Variants in NR5A2 observed in about 807,000 individuals in gnomAD.
The protein encoded by NR5A2 is CYP7A promoter-binding factor.
A neutral mutation model predicts 62.7 loss-of-function variants in NR5A2; 26 were observed. That is an observed-to-expected ratio of 0.41 (90% CI 0.30 to 0.58). The LOEUF (loss-of-function observed/expected upper bound fraction) is 0.58. Among genes scored for constraint, NR5A2 ranks in the 20% least tolerant of loss-of-function variants. The pLI, the probability that NR5A2 is intolerant of heterozygous loss-of-function variation, is 0.22. For synonymous variants in NR5A2, 246 were observed against 241.7 expected (o/e 1.02, Z -0.16); for missense variants, 541 against 669.1 (o/e 0.81, Z 2.11).
At chr1:200,145,838 TAATG>T (rs1378366096) in intron 7 of NR5A2, among the ~76,000 whole-genome samples, 2 of 152,054 alleles carry the variant, frequency 1.3e-5, no homozygotes, top group Non-Finnish European at 2.9e-5. Context: ...ATGTCCCTAA[TAATG>T]AAAGTAACTG....
At chr1:200,067,240 C>A (rs1663524937) in intron 5 of NR5A2, among the ~76,000 whole-genome samples, 1 of 151,988 alleles carries the variant, frequency 6.6e-6, no homozygotes, top group African/African-American at 2.4e-5. Flanking sequence ...AACAGAAAAC[C>A]AAATACCTCA....
At chr1:200,122,011 G>T (rs1035207594) in intron 7 of NR5A2, among the ~76,000 whole-genome samples, 1 of 152,162 alleles carries the variant, frequency 6.6e-6, no homozygotes, top group Non-Finnish European at 1.5e-5. Context: ...AATTTTTCAT[G>T]TATAGTCAAC....
At chr1:200,086,174 T>C (rs56198864) in intron 5 of NR5A2, among the ~76,000 whole-genome samples, 9,384 of 152,278 alleles carry the variant, frequency 0.062, 378 homozygotes, top group Middle Eastern at 0.1. Flanking sequence ...TCCAGTATGA[T>C]TCACTTACTG....
chr1:200,145,255 A>G (rs1193668135), intron 7 of NR5A2, among the ~76,000 whole-genome samples: 3 of 152,202 alleles, frequency 2.0e-5, no homozygotes, highest in Non-Finnish European at 4.4e-5. Flanking sequence ...GGTTGCAGTG[A>G]GCTGAGACTG....
At chr1:200,132,987 T>G (rs1007930244) in intron 7 of NR5A2, among the ~76,000 whole-genome samples, 3 of 152,314 alleles carry the variant, frequency 2.0e-5, no homozygotes, top group Non-Finnish European at 4.4e-5. Flanking sequence ...TTTAAGCTAA[T>G]GGAGGTTAAG....
intron 7 of NR5A2, among the ~76,000 whole-genome samples, chr1:200,127,165 C>T (rs1666739843): frequency 6.6e-6 from 1 of 152,080 alleles, no homozygotes; most frequent in Non-Finnish European, 1.5e-5. Context: ...AACTAATAAC[C>T]CCAAATGACA....
chr1:200,113,887 AAAAAG>A (rs1397129725), intron 6 of NR5A2, among the ~76,000 whole-genome samples: 1 of 152,154 alleles, frequency 6.6e-6, no homozygotes, highest in East Asian at 1.9e-4. Context: ...AGGATTTATA[AAAAAG>A]AAAAGAGGCC....
At chr1:200,113,230 A>T (rs1396143190) in intron 6 of NR5A2, among the ~76,000 whole-genome samples, 4 of 147,948 alleles carry the variant, frequency 2.7e-5, no homozygotes, top group African/African-American at 7.5e-5. Context: ...TCCCCTCCCC[A>T]CTCTTTAAAT....
chr1:200,157,623 T>C (rs1653450075), intron 7 of NR5A2, among the ~76,000 whole-genome samples: 1 of 152,228 alleles, frequency 6.6e-6, no homozygotes, highest in African/African-American at 2.4e-5. Context: ...ATTGGAAATA[T>C]GGATTTTCTG....
chr1:200,053,032 G>T (rs1316926546), intron 5 of NR5A2, among the ~76,000 whole-genome samples: 1 of 152,198 alleles, frequency 6.6e-6, no homozygotes, highest in Non-Finnish European at 1.5e-5. Context: ...GGGAACAGAA[G>T]GGCCAGGAAA....
chr1:200,160,952 A>T (rs1166817404), intron 7 of NR5A2, among the ~76,000 whole-genome samples: 1 of 151,118 alleles, frequency 6.6e-6, no homozygotes, highest in African/African-American at 2.4e-5. Flanking sequence ...ATACAAAGTG[A>T]TGCTCAAAAA....
chr1:200,116,307 A>G (rs775973902), intron 6 of NR5A2, among the ~76,000 whole-genome samples: 3 of 152,204 alleles, frequency 2.0e-5, no homozygotes, highest in Non-Finnish European at 4.4e-5. Context: ...CTTACTAAAC[A>G]CAGCTCACTG....
chr1:200,044,262 A>G (rs1033242350), intron 3 of NR5A2: 2 of 155,590 alleles, frequency 1.3e-5, no homozygotes, highest in Non-Finnish European at 2.8e-5. Flanking sequence ...TCCCAAATAC[A>G]TTTTAACTTC....
intron 5 of NR5A2, among the ~76,000 whole-genome samples, chr1:200,088,991 T>G (rs1048757072): frequency 6.6e-6 from 1 of 152,316 alleles, no homozygotes; most frequent in East Asian, 1.9e-4. Flanking sequence ...CACTAGCTCC[T>G]CTCCCTCTAC....
chr1:200,090,150 A>G (rs949933262), intron 5 of NR5A2, among the ~76,000 whole-genome samples: 1 of 152,194 alleles, frequency 6.6e-6, no homozygotes, highest in African/African-American at 2.4e-5. Flanking sequence ...CTTTCTTGTC[A>G]CTGTTTCCTC....
intron 5 of NR5A2, among the ~76,000 whole-genome samples, chr1:200,074,275 G>A (rs115282079): frequency 6.6e-6 from 1 of 151,870 alleles, no homozygotes; most frequent in Non-Finnish European, 1.5e-5. Flanking sequence ...AGAACTGATT[G>A]TAAGACTGTA....
chr1:200,066,956 T>G (rs1184184765), intron 5 of NR5A2, among the ~76,000 whole-genome samples: 1 of 152,224 alleles, frequency 6.6e-6, no homozygotes, highest in East Asian at 1.9e-4. Context: ...CTGCATCACG[T>G]GTCATTCCCT....
intron 5 of NR5A2, among the ~76,000 whole-genome samples, chr1:200,085,206 G>T (rs993269222): frequency 6.6e-6 from 1 of 152,108 alleles, no homozygotes; most frequent in Non-Finnish European, 1.5e-5. Context: ...GTAAAACATG[G>T]CATTACCTCT....
rs1181367759 is a variant in NR5A2, at chr1:200,093,155, C to T, written c.1111-18047C>T. On this transcript the variant is annotated intron_variant, in intron 5 of 7. Coordinates refer to ENST00000367362, the MANE Select transcript of NR5A2 (RefSeq NM_205860.3). ...ACCTGACCTTGTGATCCACCCATCTCAGCCTCCCAAAGTGCTGGGATTACA... is the reference window on the plus strand; with the variant it reads ...ACCTGACCTTGTGATCCACCCATCTTAGCCTCCCAAAGTGCTGGGATTACA... 2.0e-5 allele frequency among the ~76,000 whole-genome samples: 3 copies of T among 152,128 alleles called. No individual in the cohort carries two copies. The East Asian group carries it at 5.8e-4, about 29-fold the overall frequency.
Sources: allele counts gnomAD v4.1 joint callset (sites outside exome capture counted in the v4.1 genomes callset), GRCh38; gene constraint gnomAD v4.1.1; transcripts MANE v1.5; gene names NCBI Gene and HGNC (gene_info 2026-07-23, HGNC 2026-07-21).